GMPR: variants seen among roughly 807,000 people sequenced by gnomAD.
GMPR encodes the protein GMP reductase 1.
GMPR carries 31 observed loss-of-function variants against 38.4 expected under a neutral mutation model. That is an observed-to-expected ratio of 0.81 (90% CI 0.61 to 1.09). The LOEUF is 1.09. Ranked by LOEUF, GMPR falls within the 50% of genes least tolerant of loss-of-function variation. The pLI, the probability that GMPR is intolerant of heterozygous loss-of-function variation, is 0.00. For missense variants in GMPR, 468 were observed against 453.7 expected (o/e 1.03, Z -0.29); for synonymous variants, 162 against 173.3 (o/e 0.93, Z 0.51).
intron 7 of GMPR, among the ~76,000 whole-genome samples, chr6:16,289,101 C>G (rs375093150): frequency 1.3e-5 from 2 of 152,234 alleles, no homozygotes; most frequent in African/African-American, 4.8e-5. Context: ...GCAATAGATT[C>G]TGTTGCTGCT....
At chr6:16,240,929 G>T (rs968153877) in intron 1 of GMPR, among the ~76,000 whole-genome samples, 1 of 151,996 alleles carries the variant, frequency 6.6e-6, no homozygotes, top group African/African-American at 2.4e-5. Context: ...TCCCTGATGC[G>T]TGAGGCTGCT....
At chr6:16,273,137 G>A (rs906992044) in intron 4 of GMPR, among the ~76,000 whole-genome samples, 1 of 152,106 alleles carries the variant, frequency 6.6e-6, no homozygotes, top group African/African-American at 2.4e-5. Flanking sequence ...GTCAGCTACT[G>A]TTTGGATTAA....
chr6:16,281,586 A>G (rs1759574984), intron 6 of GMPR, among the ~76,000 whole-genome samples: 1 of 151,832 alleles, frequency 6.6e-6, no homozygotes, highest in African/African-American at 2.4e-5. Flanking sequence ...GCTCCCTGCT[A>G]GAATGCCTCC....
chr6:16,288,329 TGGCAGGCCCTGCACTCGGAGCGGCC>T (rs1322329033), intron 7 of GMPR, among the ~76,000 whole-genome samples: 2 of 152,194 alleles, frequency 1.3e-5, no homozygotes, highest in Non-Finnish European at 2.9e-5. Context: ...GGTGTGGGCT[TGGCAGGCCCTGCACTCGGAGCGGCC>T]GGCTGGCCCT....
chr6:16,273,919 G>GA (rs1759431602), intron 4 of GMPR, among the ~76,000 whole-genome samples: 1 of 149,922 alleles, frequency 6.7e-6, no homozygotes, highest in Admixed American at 6.7e-5. Flanking sequence ...GGGTTCAAGT[G>GA]ATTGTCCTGC....
At chr6:16,259,320 T>G (rs1371968101) in intron 4 of GMPR, 2 of 151,980 alleles carry the variant, frequency 1.3e-5, no homozygotes, top group Non-Finnish European at 2.9e-5. Flanking sequence ...CCATTTTCAC[T>G]TCTTTTGTGG....
chr6:16,291,137 C>T lies in GMPR; in HGVS notation c.857+516C>T, dbSNP rs879741027. 6.6e-5 allele frequency among the ~76,000 whole-genome samples: 10 copies of T among 152,308 alleles called. 1 individual carries two copies. Among genetic ancestry groups the T allele is most frequent in the South Asian group, 4.1e-4 (2 of 4,822 alleles). ...TCACCTTCCTCCAGGCTCCGAGAGC[C>T]GACACAGCAGCATTTTCAGCCATTC... On this transcript the variant is annotated intron_variant, in intron 8 of 8. Coordinates refer to ENST00000259727, the MANE Select transcript of GMPR (RefSeq NM_006877.4).
intron 4 of GMPR, 109 bp from the exon 5 acceptor site, chr6:16,274,306 T>G (rs1277518636): frequency 1.4e-5 from 10 of 729,218 alleles, no homozygotes; most frequent in Non-Finnish European, 2.4e-5. Flanking sequence ...GTCCCCCAGC[T>G]GCCTGGTGGC....
chr6:16,254,499 G>T (rs1758934883), intron 3 of GMPR, 63 bp from the exon 4 acceptor site: 5 of 1,399,824 alleles, frequency 3.6e-6, no homozygotes, highest in Non-Finnish European at 5.0e-6. Context: ...GCATAAATGG[G>T]GGCAGGGTCT....
intron 4 of GMPR, among the ~76,000 whole-genome samples, chr6:16,256,331 T>C (rs1758974290): frequency 7.2e-6 from 1 of 139,322 alleles, no homozygotes; most frequent in East Asian, 2.0e-4. Flanking sequence ...CTGGCCAAGA[T>C]GGTGAAACCC....
chr6:16,287,981 C>G (rs1759721602), intron 7 of GMPR, among the ~76,000 whole-genome samples: 1 of 152,218 alleles, frequency 6.6e-6, no homozygotes, highest in Non-Finnish European at 1.5e-5. Flanking sequence ...TGCCAGGCTC[C>G]CCTCCTCCTT....
intron 7 of GMPR, among the ~76,000 whole-genome samples, chr6:16,287,469 GTCTC>G (rs1759710054): frequency 6.6e-6 from 1 of 152,162 alleles, no homozygotes; most frequent in Non-Finnish European, 1.5e-5. Flanking sequence ...CTCCTCCACT[GTCTC>G]TCAGTCAGTG....
At chr6:16,290,725 A>AC (rs1759826293) in intron 8 of GMPR, 104 bp downstream of exon 8, 1 of 963,908 alleles carries the variant, frequency 1.0e-6, no homozygotes, top group Non-Finnish European at 1.6e-6. Flanking sequence ...ATATTAAAGT[A>AC]CCGTGGGAAG....
intron 5 of GMPR, among the ~76,000 whole-genome samples, chr6:16,276,428 C>G (rs939835510): frequency 6.6e-6 from 1 of 152,170 alleles, no homozygotes; most frequent in Non-Finnish European, 1.5e-5. Flanking sequence ...GCCTTGGCCT[C>G]CCAACGTGCT....
chr6:16,257,202 G>C (rs1758998823), intron 4 of GMPR, among the ~76,000 whole-genome samples: 1 of 152,138 alleles, frequency 6.6e-6, no homozygotes, highest in Non-Finnish European at 1.5e-5. Flanking sequence ...ATGGGGTTTT[G>C]AAAGCTTCCT....
chr6:16,243,698 T>A (rs1758700741), intron 1 of GMPR, among the ~76,000 whole-genome samples: 1 of 152,140 alleles, frequency 6.6e-6, no homozygotes, highest in South Asian at 2.1e-4. Context: ...CTGTCCTGGG[T>A]CCCACGTCTG....
At chr6:16,291,631 C>T (rs1759842413) in intron 8 of GMPR, among the ~76,000 whole-genome samples, 1 of 152,260 alleles carries the variant, frequency 6.6e-6, no homozygotes, top group African/African-American at 2.4e-5. Flanking sequence ...GATGATGGGG[C>T]CAGGCACAGT....
chr6:16,278,571 G>T (rs1462049530), intron 5 of GMPR, among the ~76,000 whole-genome samples: 1 of 152,180 alleles, frequency 6.6e-6, no homozygotes, highest in Non-Finnish European at 1.5e-5. Context: ...GCCAGTGACA[G>T]TGATGAGGAC....
At chr6:16,265,930 A>G (rs964567667) in intron 4 of GMPR, among the ~76,000 whole-genome samples, 4 of 152,306 alleles carry the variant, frequency 2.6e-5, no homozygotes, top group South Asian at 2.1e-4. Context: ...TCCTGAAGTC[A>G]GTGAGACCAC....
Sources: allele counts gnomAD v4.1 joint callset (sites outside exome capture counted in the v4.1 genomes callset), GRCh38; gene constraint gnomAD v4.1.1; transcripts MANE v1.5; gene names NCBI Gene and HGNC (gene_info 2026-07-23, HGNC 2026-07-21).